MARCHF3: variants seen among roughly 807,000 people sequenced by gnomAD.
MARCHF3 encodes membrane associated ring-CH-type finger 3.
Under a neutral mutation model 24.2 loss-of-function variants are expected in MARCHF3, and 13 were observed. The observed-to-expected ratio is 0.54, with a 90% confidence interval of 0.35 to 0.85. The LOEUF (loss-of-function observed/expected upper bound fraction) is 0.85, where lower values mean the gene tolerates loss of function less well. Ranked by LOEUF, MARCHF3 falls within the 40% of genes least tolerant of loss-of-function variation. The probability of loss-of-function intolerance (pLI) is 0.01; values close to 1 mark genes in which losing one functional copy is unlikely to be tolerated. For synonymous variants in MARCHF3, 144 were observed against 137.3 expected (o/e 1.05, Z -0.34); for missense variants, 276 against 325.0 (o/e 0.85, Z 1.16).
At chr5:127,011,410 T>A (rs528160768) in intron 1 of MARCHF3, among the ~76,000 whole-genome samples, 1 of 152,196 alleles carries the variant, frequency 6.6e-6, no homozygotes, top group Non-Finnish European at 1.5e-5. Flanking sequence ...CATGAGGGGA[T>A]GGCTATGCTC....
chr5:126,912,917 G>C (rs544033788), intron 3 of MARCHF3, among the ~76,000 whole-genome samples: 39 of 152,294 alleles, frequency 2.6e-4, no homozygotes, highest in Admixed American at 2.5e-3. Flanking sequence ...TTCATCACTG[G>C]TGACCGTTTG....
chr5:126,924,495 G>A (rs1431932351), intron 1 of MARCHF3, among the ~76,000 whole-genome samples: 1 of 152,176 alleles, frequency 6.6e-6, no homozygotes, highest in Non-Finnish European at 1.5e-5. Context: ...CAGTCTCTGA[G>A]AATAGGGATG....
intron 1 of MARCHF3, among the ~76,000 whole-genome samples, chr5:126,958,488 C>A (rs1384755757): frequency 6.6e-6 from 1 of 152,084 alleles, no homozygotes; most frequent in Non-Finnish European, 1.5e-5. Context: ...CTTTTGTATT[C>A]TGTATTTTTT....
chr5:126,980,831 G>C (rs1751368939), intron 1 of MARCHF3, among the ~76,000 whole-genome samples: 1 of 152,212 alleles, frequency 6.6e-6, no homozygotes, highest in Non-Finnish European at 1.5e-5. Context: ...GGTAAGATTA[G>C]TATTTTAAGT....
chr5:126,952,782 C>T lies in MARCHF3; in HGVS notation c.-56-34555G>A, dbSNP rs189949714. 1.9e-3 allele frequency among the ~76,000 whole-genome samples: 285 copies of T among 152,220 alleles called. 2 individuals are homozygous for T. Among genetic ancestry groups the T allele is most frequent in the Non-Finnish European group, 3.1e-3 (213 of 68,022 alleles). Reference sequence around the variant, plus strand: ...CCTATTTCACTTCCCTCCATTGTTCCTCCTTCTTCTATTACCCAAATCCTC... The same window carrying T: ...CCTATTTCACTTCCCTCCATTGTTCTTCCTTCTTCTATTACCCAAATCCTC... On this transcript the variant is annotated intron_variant, in intron 1 of 4. Transcript: ENST00000308660.
intron 3 of MARCHF3, among the ~76,000 whole-genome samples, chr5:126,894,630 G>T (rs1753807491): frequency 6.6e-6 from 1 of 151,906 alleles, no homozygotes; most frequent in Admixed American, 6.6e-5. Context: ...CTCTCTTCTG[G>T]CTTGTAGGGT....
At chr5:127,023,262 A>G (rs1397251193) in intron 1 of MARCHF3, among the ~76,000 whole-genome samples, 1 of 152,214 alleles carries the variant, frequency 6.6e-6, no homozygotes, top group Non-Finnish European at 1.5e-5. Context: ...ATCCATGTAC[A>G]TATAAAAACT....
intron 1 of MARCHF3, among the ~76,000 whole-genome samples, chr5:126,946,568 G>T (rs1458337079): frequency 2.0e-5 from 3 of 152,050 alleles, no homozygotes; most frequent in Non-Finnish European, 4.4e-5. Context: ...CCTGGGGGCT[G>T]GGAGAAGGGG....
At chr5:127,017,875 T>C (rs1752680269) in intron 1 of MARCHF3, among the ~76,000 whole-genome samples, 2 of 152,206 alleles carry the variant, frequency 1.3e-5, no homozygotes, top group African/African-American at 4.8e-5. Context: ...TCAGCTCAAA[T>C]GACAACCAGC....
At chr5:126,916,345 C>G (rs148886879) in intron 2 of MARCHF3, among the ~76,000 whole-genome samples, 102 of 152,280 alleles carry the variant, frequency 6.7e-4, no homozygotes, top group Middle Eastern at 3.4e-3. Flanking sequence ...TGTATGCCTC[C>G]CAAAGATGAC....
intron 1 of MARCHF3, among the ~76,000 whole-genome samples, chr5:126,952,948 T>A (rs1002710600): frequency 6.6e-6 from 1 of 152,180 alleles, no homozygotes; most frequent in Admixed American, 6.5e-5. Flanking sequence ...TCTATAGATA[T>A]TATTTGCTTC....
intron 3 of MARCHF3, among the ~76,000 whole-genome samples, chr5:126,894,516 G>A (rs1369919643): frequency 6.6e-6 from 1 of 151,720 alleles, no homozygotes; most frequent in Non-Finnish European, 1.5e-5. Flanking sequence ...TTGCTTGTCT[G>A]TAAAGTATTT....
intron 1 of MARCHF3, among the ~76,000 whole-genome samples, chr5:126,978,579 C>T (rs1345643422): frequency 2.6e-5 from 4 of 152,188 alleles, no homozygotes; most frequent in African/African-American, 9.7e-5. Context: ...ATGAAGTACT[C>T]GTTCTGACTA....
At position 126,937,302 on chromosome 5, in the gene MARCHF3, C is replaced by T. The variant is rs144398855; in HGVS notation, c.-56-19075G>A. ...ATACTCTTTTTTCCTCATACATCTACAATGTGTCTAAATTAACATCTGGTT... is the reference window on the plus strand; with the variant it reads ...ATACTCTTTTTTCCTCATACATCTATAATGTGTCTAAATTAACATCTGGTT... On this transcript the variant is annotated intron_variant, in intron 1 of 4. Coordinates refer to ENST00000308660, the MANE Select transcript of MARCHF3 (RefSeq NM_178450.5). 2.4e-3 allele frequency among the ~76,000 whole-genome samples: 366 copies of T among 152,318 alleles called. 2 individuals carry two copies. Among genetic ancestry groups the T allele is most frequent in the African/African-American group, 8.3e-3 (347 of 41,572 alleles).
chr5:126,894,087 G>A (rs1191749997), intron 3 of MARCHF3, among the ~76,000 whole-genome samples: 6 of 142,252 alleles, frequency 4.2e-5, no homozygotes, highest in African/African-American at 1.7e-4. Flanking sequence ...TTTAAAGTCC[G>A]TTTTATCAGA....
chr5:126,914,886 T>G, intron 3 of MARCHF3, 44 bp downstream of exon 3: 1 of 1,596,662 alleles, frequency 6.3e-7, no homozygotes, highest in Non-Finnish European at 8.6e-7. Flanking sequence ...AGACATCATT[T>G]GCTCATTAGA....
At chr5:126,983,605 C>T (rs952699554) in intron 1 of MARCHF3, among the ~76,000 whole-genome samples, 1 of 152,182 alleles carries the variant, frequency 6.6e-6, no homozygotes, top group Non-Finnish European at 1.5e-5. Context: ...GCAATTTACT[C>T]GGGGCCTCAA....
chr5:126,984,108 T>C (rs995451870), intron 1 of MARCHF3, among the ~76,000 whole-genome samples: 7 of 152,002 alleles, frequency 4.6e-5, no homozygotes, highest in African/African-American at 1.7e-4. Context: ...GAAAAGACAA[T>C]GCCTGGATTT....
At chr5:126,894,977 A>C (rs1580610965) in intron 3 of MARCHF3, among the ~76,000 whole-genome samples, 2 of 152,022 alleles carry the variant, frequency 1.3e-5, no homozygotes, top group Non-Finnish European at 2.9e-5. Context: ...CTTTTCACAC[A>C]GTCCCATATT....
Sources: gnomAD v4.1 joint callset for allele counts (sites outside exome capture counted in the v4.1 genomes callset) on GRCh38, gnomAD v4.1.1 for gene constraint, MANE v1.5 for transcripts, NCBI Gene and HGNC (gene_info 2026-07-23, HGNC 2026-07-21) for gene names.